Variants in COL20A1 observed in about 807,000 individuals in gnomAD.
The protein encoded by COL20A1 is collagen type XX alpha 1 chain.
COL20A1 carries 164 observed loss-of-function variants against 152.9 expected under a neutral mutation model. The ratio of observed to expected loss-of-function variants is 1.07; its 90% CI spans 0.94 to 1.22. The LOEUF (loss-of-function observed/expected upper bound fraction) is 1.22, where lower values mean the gene tolerates loss of function less well. COL20A1 is among the 50% of genes most tolerant of loss of function. COL20A1 has a pLI of 0.00. For missense variants in COL20A1, 1,873 were observed against 1,744.8 expected (o/e 1.07, Z -1.31); for synonymous variants, 864 against 756.0 (o/e 1.14, Z -2.34).
At chr20:63,299,366 G>A (rs1224818239) in intron 3 of COL20A1, among the ~76,000 whole-genome samples, 5 of 152,294 alleles carry the variant, frequency 3.3e-5, no homozygotes, top group South Asian at 4.1e-4. Context: ...GATTGCTTCC[G>A]TTGCATGACA....
chr20:63,298,029 C>T lies in COL20A1; in HGVS notation c.193+9C>T. On this transcript the variant is annotated intron_variant, in intron 3 of 35. Transcript: ENST00000358894. The stretch of plus-strand genomic sequence containing the variant: ...GGTGAAGCCCATGGCAGGTGAGGAC[C>T]TGCCCCTCCCAGGCCCCCTTCCCCA... The T allele has an allele frequency of 6.3e-7, 1 of 1,589,666 alleles. No individual in the cohort carries two copies. Among genetic ancestry groups the T allele is most frequent in the Non-Finnish European group, 8.6e-7 (1 of 1,162,514 alleles).
In COL20A1 at chr20:63,312,565, C is replaced by T. The variant is rs201631423; in HGVS notation, c.1933+16C>T. ...GTGACCACCAGTGAGTGGGGAGAGGCTGGGGCTGGGGGTCCAGCAGGGTTT... is the reference window on the plus strand; with the variant it reads ...GTGACCACCAGTGAGTGGGGAGAGGTTGGGGCTGGGGGTCCAGCAGGGTTT... On this transcript the variant is annotated intron_variant, in intron 15 of 35. Transcript: ENST00000358894. 1.1e-6 allele frequency: 1 copy of T among 893,012 alleles called. No individual in the cohort carries two copies. Among genetic ancestry groups the T allele is most frequent in the Non-Finnish European group, 1.5e-6 (1 of 676,374 alleles). 55.3% of individuals were successfully genotyped at this position (893,012 alleles called of 1,614,324 possible).
Position 63,311,470 on chromosome 20 carries a change from G to T in COL20A1, c.1470G>T (p.Ser490=). 1 of 1,575,302 alleles carries T rather than the reference G, an allele frequency of 6.3e-7. No individual in the cohort carries two copies. Among genetic ancestry groups the T allele is most frequent in the Non-Finnish European group, 8.6e-7 (1 of 1,161,034 alleles). ...CCGTCCACCTCACCTGGCAGCCCTC[G>T]GCCGGGGCCACCCACTACCTGGTGC... is the stretch of plus-strand genomic sequence containing the variant. The part of the protein sequence containing the change: ...PRTVHLTWQP[S]AGATHYLVRC... The change falls in exon 12 of 36, where the codon TCG becomes TCT. Residue 490 remains serine, a synonymous_variant. Transcript: ENST00000358894. The surrounding 1 kb of genome is among the most constrained non-coding windows in gnomAD (Gnocchi z 4.4).
rs143200109 is a variant in COL20A1, at chr20:63,304,625, G to T, written c.194-792G>T. On this transcript the variant is annotated intron_variant, in intron 3 of 35. Transcript: ENST00000358894. ...CCTCCCTCCCTTCCTCCCTCCAGCTGCGCAGATGTGGGTTCCTCCCTCCCT... is the reference window on the plus strand; with the variant it reads ...CCTCCCTCCCTTCCTCCCTCCAGCTTCGCAGATGTGGGTTCCTCCCTCCCT... Among the ~76,000 whole-genome samples, 199 of 144,582 alleles carry T rather than the reference G, an allele frequency of 1.4e-3. 2 individuals are homozygous for T. The highest frequency in any genetic ancestry group is 5.1e-3 in the African/African-American group (196 of 38,640). 94.9% of individuals were successfully genotyped at this position (144,582 alleles called of 152,430 possible). A position where few individuals can be genotyped will look rare whatever the true frequency, so the allele number is the denominator to read the frequency against.
At chr20:63,329,798 G>A (rs2068308343) in intron 35 of COL20A1, 137 bp downstream of exon 35, 6 of 638,438 alleles carry the variant, frequency 9.4e-6, no homozygotes, top group Non-Finnish European at 1.3e-5. Flanking sequence ...AGAGGCAGGC[G>A]AGGTGGCCCT....
At chr20:63,330,048 A>G (rs911069) in intron 35 of COL20A1, among the ~76,000 whole-genome samples, 143,722 of 152,138 alleles carry the variant, frequency 0.94, 68,407 homozygotes, top group East Asian at 1. Context: ...ACCTGGTCCA[A>G]GTGTGGGAAA....
chr20:63,319,720 A>G lies in COL20A1; in HGVS notation c.2916+124A>G, dbSNP rs2068133787. 9.1e-6 allele frequency: 6 copies of G among 658,252 alleles called. No individual in the cohort carries two copies. The highest frequency in any genetic ancestry group is 1.6e-5 in the Non-Finnish European group (6 of 381,390). The allele number at this position is 658,252 out of a possible 1,614,324, so 40.8% of individuals were successfully genotyped here. Reference sequence around the variant, plus strand: ...AGCAGGACCTTCCTTGGGAGGGAACATTGACCTGGGGCTCTGTTCCTCTAC... The same window carrying G: ...AGCAGGACCTTCCTTGGGAGGGAACGTTGACCTGGGGCTCTGTTCCTCTAC... On this transcript the variant is annotated intron_variant, in intron 23 of 35. Coordinates refer to ENST00000358894, the MANE Select transcript of COL20A1 (RefSeq NM_020882.4). This position sits in a 1 kb window ranked among gnomAD's most constrained non-coding sequence, Gnocchi z 4.4.
In COL20A1 at chr20:63,314,172, G is replaced by T; in HGVS notation, c.2459G>T (p.Ser820Ile). ...LVSAIYAAGR[S>I]EAVSATGQTA... ...TCAGCTATCTATGCAGCAGGCAGGA[G>T]TGAGGCTGTGTCTGCCACGGGCCAG... The change falls in exon 19 of 36, where the codon AGT becomes ATT. Residue 820 changes from serine (S) to isoleucine (I), a missense_variant. Transcript: ENST00000358894. 1.3e-6 allele frequency: 2 copies of T among 1,577,474 alleles called. No individual in the cohort carries two copies. Among genetic ancestry groups the T allele is most frequent in the Non-Finnish European group, 1.7e-6 (2 of 1,162,018 alleles).
intron 34 of COL20A1, 44 bp from the exon 35 acceptor site, chr20:63,329,541 C>A: frequency 6.6e-7 from 1 of 1,507,446 alleles, no homozygotes; most frequent in South Asian, 1.2e-5. Flanking sequence ...GGGCCCCAAG[C>A]CACTGCATTG....
Position 63,310,475 on chromosome 20 carries a change from G to C in COL20A1, c.1358G>C (p.Gly453Ala). Residue 453 changes from glycine to alanine, a missense_variant, in exon 11 of 36, where the codon GGG (glycine) becomes GCG (alanine). Gly to Ala is a moderately conservative substitution (Grantham distance 60, BLOSUM62 0). Transcript: ENST00000358894. ...TCCGTGTTCCCCATCTATGAGGGCG[G>C]GGTTGGCGAAGGCCTGCGGGGCCTG... Reference protein sequence around the residue: ...LVSVFPIYEGGVGEGLRGLVT... With the variant: ...LVSVFPIYEGAVGEGLRGLVT... 1 of 1,607,210 alleles carries C rather than the reference G, an allele frequency of 6.2e-7. No individual in the cohort carries two copies. The highest frequency in any genetic ancestry group is 1.7e-5 in the Admixed American group (1 of 59,320).
At chr20:63,295,393 A>G (rs940872584) in intron 2 of COL20A1, among the ~76,000 whole-genome samples, 12 of 152,218 alleles carry the variant, frequency 7.9e-5, no homozygotes, top group Non-Finnish European at 1.8e-4. Context: ...TTGGGAGCAC[A>G]TCTCTGTGGT....
chr20:63,318,632 C>T (rs541300037), intron 21 of COL20A1, among the ~76,000 whole-genome samples: 7 of 152,162 alleles, frequency 4.6e-5, no homozygotes, highest in Non-Finnish European at 1.0e-4. Context: ...CGGCACCCCT[C>T]ACCCTCACGG....
intron 35 of COL20A1, among the ~76,000 whole-genome samples, chr20:63,330,381 G>A (rs538741786): frequency 1.1e-4 from 17 of 152,296 alleles, no homozygotes; most frequent in African/African-American, 4.1e-4. Flanking sequence ...GAGGGCTGAG[G>A]AGCACAGGCA....
Position 63,306,009 on chromosome 20 carries a change from T to C in COL20A1, c.466T>C (p.Phe156Leu), listed in dbSNP as rs561203475. ...GCAGGCTTCTGAGCCCCAAGTTGCC[T>C]TCACACCAAGCCAGGATCCGCGCAC... The part of the protein sequence containing the change: ...PEQASEPQVA[F>L]TPSQDPRTPA... Residue 156 changes from phenylalanine to leucine, a missense_variant, in exon 5 of 36, where the codon TTC (phenylalanine) becomes CTC (leucine). Phe to Leu is a conservative substitution (Grantham distance 22, BLOSUM62 0). Coordinates refer to ENST00000358894, the MANE Select transcript of COL20A1 (RefSeq NM_020882.4). The surrounding 1 kb of genome is among the most constrained non-coding windows in gnomAD (Gnocchi z 6.9). The C allele has an allele frequency of 4.3e-6, 7 of 1,612,554 alleles. No homozygotes were observed. In the African/African-American group the frequency reaches 5.3e-5, roughly 12 times the overall value.
At chr20:63,323,590 C>T (rs1302995266) in intron 27 of COL20A1, among the ~76,000 whole-genome samples, 1 of 152,152 alleles carries the variant, frequency 6.6e-6, no homozygotes, top group African/African-American at 2.4e-5. Context: ...CACCCCTGGT[C>T]GCCTGAGTCG....
At chr20:63,324,669 T>C (rs1568787768) in intron 27 of COL20A1, 1 of 152,662 alleles carries the variant, frequency 6.6e-6, no homozygotes, top group African/African-American at 2.4e-5. Flanking sequence ...TCGTTATCCA[T>C]GCCATGTGCT....
chr20:63,324,552 T>C (rs1006033868), intron 27 of COL20A1: 1 of 152,304 alleles, frequency 6.6e-6, no homozygotes, highest in Non-Finnish European at 1.5e-5. Flanking sequence ...AGTGCTGTTA[T>C]GGACATAATG....
At chr20:63,298,904 C>T (rs975898530) in intron 3 of COL20A1, among the ~76,000 whole-genome samples, 1 of 152,220 alleles carries the variant, frequency 6.6e-6, no homozygotes, top group African/African-American at 2.4e-5. Context: ...GGGTGGAAAA[C>T]GACCGTCCCG....
At position 63,331,788 on chromosome 20, in the gene COL20A1, G is replaced by C. The variant is rs1312981115; in HGVS notation, c.*1072G>C. On this transcript the variant is annotated 3_prime_UTR_variant, in exon 36 of 36. Transcript: ENST00000358894. The stretch of plus-strand genomic sequence containing the variant: ...CATATCATTGAGGAGAGAATGAAAA[G>C]TATTAAAAAGGAACAAAGAGAGACC... 1 of 152,238 alleles carries C rather than the reference G, an allele frequency of 6.6e-6. No individual in the cohort carries two copies. Among genetic ancestry groups the C allele is most frequent in the African/African-American group, 2.4e-5 (1 of 41,446 alleles). The allele number at this position is 152,238 out of a possible 1,614,324, so 9.4% of individuals were successfully genotyped here. A position where few individuals can be genotyped will look rare whatever the true frequency, so the allele number is the denominator to read the frequency against.
Sources: allele counts gnomAD v4.1 joint callset (sites outside exome capture counted in the v4.1 genomes callset), GRCh38; gene constraint gnomAD v4.1.1; non-coding constraint Gnocchi (gnomAD v3.1); transcripts MANE v1.5; gene names NCBI Gene and HGNC (gene_info 2026-07-23, HGNC 2026-07-21).